RORB: variants seen among roughly 807,000 people sequenced by gnomAD.
RORB encodes RAR related orphan receptor B.
A neutral mutation model predicts 59.1 loss-of-function variants in RORB; 6 were observed. The observed-to-expected ratio is 0.10, with a 90% CI of 0.06 to 0.20. The LOEUF (loss-of-function observed/expected upper bound fraction) is 0.20, where lower values mean the gene tolerates loss of function less well. RORB is among the 10% of genes least tolerant of loss of function. The probability of loss-of-function intolerance (pLI) is 1.00; values close to 1 mark genes in which losing one functional copy is unlikely to be tolerated. For synonymous variants in RORB, 215 were observed against 204.5 expected, an observed-to-expected ratio of 1.05 and a Z score of -0.44; for missense variants, 320 against 560.5, an observed-to-expected ratio of 0.57 and a Z score of 4.33.
intron 1 of RORB, among the ~76,000 whole-genome samples, chr9:74,504,941 A>C (rs1461562075): frequency 6.6e-6 from 1 of 152,092 alleles, no homozygotes. Context: ...AGACTGCTAC[A>C]CCATTAACTA....
At chr9:74,643,679 A>G (rs187069447) in intron 4 of RORB, among the ~76,000 whole-genome samples, 2 of 152,354 alleles carry the variant, frequency 1.3e-5, no homozygotes, top group East Asian at 3.9e-4. Flanking sequence ...AGAAGAGCTA[A>G]GCAAACAGTG....
chr9:74,646,093 AC>A (rs1823893256), intron 4 of RORB, among the ~76,000 whole-genome samples: 1 of 150,966 alleles, frequency 6.6e-6, no homozygotes. Context: ...AGATTTTGCC[AC>A]ATCCTGACTG....
At chr9:74,641,538 G>C (rs1823804893) in intron 3 of RORB, among the ~76,000 whole-genome samples, 1 of 152,158 alleles carries the variant, frequency 6.6e-6, no homozygotes, top group African/African-American at 2.4e-5. Context: ...GAAGGCAAAT[G>C]ATGCCATCAC....
At chr9:74,529,950 A>T (rs911641533) in intron 1 of RORB, among the ~76,000 whole-genome samples, 16 of 152,042 alleles carry the variant, frequency 1.1e-4, no homozygotes, top group Non-Finnish European at 2.2e-4. Context: ...ATATTAATTT[A>T]GCAACACTCC....
chr9:74,554,977 A>G (rs537157598), intron 1 of RORB, among the ~76,000 whole-genome samples: 1 of 152,344 alleles, frequency 6.6e-6, no homozygotes, highest in East Asian at 1.9e-4. Context: ...GAGAGCAAAA[A>G]AAAGACCTAG....
At chr9:74,635,090 A>G (rs1823679381) in intron 3 of RORB, among the ~76,000 whole-genome samples, 1 of 152,210 alleles carries the variant, frequency 6.6e-6, no homozygotes, top group South Asian at 2.1e-4. Context: ...TTCCTGGGAC[A>G]TGAGACTTTC....
At chr9:74,545,941 C>A (rs1826480384) in intron 1 of RORB, among the ~76,000 whole-genome samples, 1 of 151,944 alleles carries the variant, frequency 6.6e-6, no homozygotes, top group Admixed American at 6.5e-5. Flanking sequence ...TAACAAAATG[C>A]AAAGGCGTAA....
intron 1 of RORB, among the ~76,000 whole-genome samples, chr9:74,581,109 T>C (rs1390757671): frequency 6.6e-6 from 1 of 152,096 alleles, no homozygotes; most frequent in African/African-American, 2.4e-5. Flanking sequence ...TCTGTGTCCC[T>C]AAGTTGAAAT....
intron 1 of RORB, among the ~76,000 whole-genome samples, chr9:74,572,282 G>A (rs938633683): frequency 2.7e-4 from 41 of 151,888 alleles, no homozygotes; most frequent in African/African-American, 9.9e-4. Flanking sequence ...GTACTGATAT[G>A]AAAAAAAATA....
At chr9:74,651,642 A>G (rs1343979485) in intron 4 of RORB, among the ~76,000 whole-genome samples, 1 of 152,186 alleles carries the variant, frequency 6.6e-6, no homozygotes, top group African/African-American at 2.4e-5. Context: ...CCTCTTGCAG[A>G]TGGAGGATCA....
Position 74,591,820 on chromosome 9 carries a change from C to T in RORB, c.8-38462C>T, listed in dbSNP as rs188232334. Among the ~76,000 whole-genome samples, 22 of 152,156 alleles carry T rather than the reference C, an allele frequency of 1.4e-4. No individual in the cohort carries two copies. In the Middle Eastern group the frequency reaches 0.014, roughly 94 times the overall value. ...TAATGTACAACAAGTAGAAGAGACCCTGGCTTTCATATTTTACCAAACATT... is the reference window on the plus strand; with the variant it reads ...TAATGTACAACAAGTAGAAGAGACCTTGGCTTTCATATTTTACCAAACATT... On this transcript the variant is annotated intron_variant, in intron 1 of 9. Coordinates refer to ENST00000376896, the MANE Select transcript of RORB (RefSeq NM_006914.4).
At chr9:74,554,876 CTA>C (rs1822260787) in intron 1 of RORB, among the ~76,000 whole-genome samples, 1 of 152,176 alleles carries the variant, frequency 6.6e-6, no homozygotes, top group Non-Finnish European at 1.5e-5. Flanking sequence ...CATCTCCTTT[CTA>C]TAGTTGTAAA....
chr9:74,573,748 A>C (rs1056553861), intron 1 of RORB, among the ~76,000 whole-genome samples: 1 of 152,146 alleles, frequency 6.6e-6, no homozygotes. Flanking sequence ...TTCACTAATG[A>C]AACTCTTGAC....
chr9:74,663,198 G>C (rs1227335922), intron 6 of RORB, among the ~76,000 whole-genome samples: 1 of 151,968 alleles, frequency 6.6e-6, no homozygotes, highest in Admixed American at 6.6e-5. Context: ...TCTTTCTTGG[G>C]CCCCTTTGAA....
chr9:74,641,486 T>C (rs1019562011), intron 3 of RORB, among the ~76,000 whole-genome samples: 2 of 152,232 alleles, frequency 1.3e-5, no homozygotes, highest in African/African-American at 4.8e-5. Context: ...CCCAAATTGC[T>C]ATTTTCCAAA....
At position 74,692,088 on chromosome 9, in the gene RORB, A is replaced by G; in HGVS notation, c.*6470A>G. ...GAACAAGATATTTTTGTACACATTTATTTCTTGTTAATAACCTGAGGTCAG... is the reference window on the plus strand; with the variant it reads ...GAACAAGATATTTTTGTACACATTTGTTTCTTGTTAATAACCTGAGGTCAG... On this transcript the variant is annotated 3_prime_UTR_variant, in exon 10 of 10. Coordinates refer to ENST00000376896, the MANE Select transcript of RORB (RefSeq NM_006914.4). 6.6e-6 allele frequency: 1 copy of G among 152,184 alleles called. No individual in the cohort carries two copies. The highest frequency in any genetic ancestry group is 1.9e-4 in the East Asian group (1 of 5,202). 9.4% of individuals were successfully genotyped at this position (152,184 alleles called of 1,614,324 possible).
At chr9:74,648,986 G>A (rs982184056) in intron 4 of RORB, among the ~76,000 whole-genome samples, 3 of 143,184 alleles carry the variant, frequency 2.1e-5, no homozygotes, top group African/African-American at 5.2e-5. Flanking sequence ...TTTTTTTTTC[G>A]ACGGAGTCTG....
chr9:74,523,994 C>T (rs1826118479), intron 1 of RORB, among the ~76,000 whole-genome samples: 1 of 130,788 alleles, frequency 7.6e-6, no homozygotes, highest in African/African-American at 2.8e-5. Context: ...TTCACTGAAT[C>T]AACGACACCT....
At chr9:74,663,844 C>G (rs1235427882) in intron 6 of RORB, among the ~76,000 whole-genome samples, 1 of 152,006 alleles carries the variant, frequency 6.6e-6, no homozygotes, top group Admixed American at 6.5e-5. Context: ...GCTAGCACCC[C>G]AAGAGAACAC....
Sources: allele counts gnomAD v4.1 joint callset (sites outside exome capture counted in the v4.1 genomes callset), GRCh38; gene constraint gnomAD v4.1.1; transcripts MANE v1.5; gene names NCBI Gene and HGNC (gene_info 2026-07-23, HGNC 2026-07-21).